Variants in UBE2L6 observed in about 807,000 individuals in gnomAD.
UBE2L6 encodes the protein ubiquitin/ISG15-conjugating enzyme E2 L6.
Under a neutral mutation model 13.6 loss-of-function variants are expected in UBE2L6, and 11 were observed. The ratio of observed to expected loss-of-function variants is 0.81; its 90% confidence interval spans 0.51 to 1.34. The LOEUF (loss-of-function observed/expected upper bound fraction) is 1.34. Ranked by LOEUF, UBE2L6 falls within the 40% of genes most tolerant of loss-of-function variation. UBE2L6 has a pLI of 0.00. For missense variants in UBE2L6, 197 were observed against 199.5 expected, an observed-to-expected ratio of 0.99 and a Z score of 0.07; for synonymous variants, 74 against 83.2, an observed-to-expected ratio of 0.89 and a Z score of 0.60.
rs1456731466 is a variant in UBE2L6 at position 57,567,569 on chromosome 11, T to A, written c.27+16A>T. 25 of 1,606,474 alleles carry A rather than the reference T, an allele frequency of 1.6e-5. No homozygotes were observed. The highest frequency in any genetic ancestry group is 2.0e-5 in the Non-Finnish European group (24 of 1,177,568). On this transcript the variant is annotated intron_variant, in intron 1 of 3. Transcript: ENST00000287156. ...GAGGGGAGCCAAGAGAAAGGGGTCA[T>A]CCTATACGCGGTTACCTTCACCACT...
chr11:57,566,555 A>G (rs1945094053), intron 1 of UBE2L6, among the ~76,000 whole-genome samples: 1 of 149,190 alleles, frequency 6.7e-6, no homozygotes, highest in South Asian at 2.2e-4. Context: ...TTCCAATGCA[A>G]TAAATTCTGG....
chr11:57,560,350 G>T lies in UBE2L6; in HGVS notation c.110C>A (p.Ala37Asp). The T allele has an allele frequency of 6.2e-7, 1 of 1,613,956 alleles. No homozygotes were observed. The highest frequency in any genetic ancestry group is 8.5e-7 in the Non-Finnish European group (1 of 1,179,864). Residue 37 changes from alanine (A) to aspartate (D), a missense_variant, in exon 2 of 4, where the codon GCT becomes GAT. By Grantham distance (126) the Ala-to-Asp change is moderately radical. Coordinates refer to ENST00000287156, the MANE Select transcript of UBE2L6 (RefSeq NM_004223.5). Reference protein sequence around the residue: ...SDDANVLVWHALLLPDQPPYH... With the variant: ...SDDANVLVWHDLLLPDQPPYH... ...ATGGATACTCACGGGTAGGAGGAGA[G>T]CGTGCCACACCAGGACATTGGCATC...
intron 1 of UBE2L6, among the ~76,000 whole-genome samples, chr11:57,563,604 A>G (rs1472372760): frequency 2.0e-5 from 3 of 151,724 alleles, no homozygotes; most frequent in Non-Finnish European, 4.4e-5. Context: ...GTATTTGAAA[A>G]TACAGTCAGA....
At position 57,552,215 on chromosome 11, in the gene UBE2L6, A is replaced by C; in HGVS notation, c.*143T>G. On this transcript the variant is annotated 3_prime_UTR_variant, in exon 4 of 4. Coordinates refer to ENST00000287156, the MANE Select transcript of UBE2L6 (RefSeq NM_004223.5). ...CACTCATAGCTCCCTTCCCTCCACC[A>C]CACACACACACAAACTAATGACTAA... is the stretch of plus-strand genomic sequence containing the variant. 1 of 963,964 alleles carries C rather than the reference A, an allele frequency of 1.0e-6. No homozygotes were observed. Among genetic ancestry groups the C allele is most frequent in the Non-Finnish European group, 1.5e-6 (1 of 665,480 alleles). 59.7% of individuals were successfully genotyped at this position (963,964 alleles called of 1,614,324 possible). A position where few individuals can be genotyped will look rare whatever the true frequency, so the allele number is the denominator to read the frequency against.
chr11:57,556,032 C>G (rs1231573548), intron 2 of UBE2L6, among the ~76,000 whole-genome samples: 1 of 152,212 alleles, frequency 6.6e-6, no homozygotes, highest in Non-Finnish European at 1.5e-5. Context: ...AGAAGACCCT[C>G]TAGACTTTGA....
In UBE2L6 at chr11:57,567,628, T is replaced by C. The variant is rs1945103707; in HGVS notation, c.-17A>G. The C allele has an allele frequency of 6.2e-7, 1 of 1,605,162 alleles. No individual in the cohort carries two copies. Among genetic ancestry groups the C allele is most frequent in the South Asian group, 1.1e-5 (1 of 88,828 alleles). On this transcript the variant is annotated 5_prime_UTR_variant, in exon 1 of 4. Transcript: ENST00000287156. ...CGCCATCATGTCGGGACCGAGTGTG[T>C]GGCACCCGTGGCCTCCAGCAGGACC...
upstream of UBE2L6, chr11:57,567,772 G>T: frequency 2.5e-6 from 2 of 805,238 alleles, no homozygotes; most frequent in Non-Finnish European, 3.6e-6. Context: ...GCTCCGGCGA[G>T]GCCAGGAGGC....
intron 1 of UBE2L6, among the ~76,000 whole-genome samples, chr11:57,563,422 A>C (rs181429196): frequency 1.9e-3 from 292 of 150,546 alleles, no homozygotes; most frequent in South Asian, 4.4e-3. Context: ...CAGAGGTTGC[A>C]GTGAGCCGAG....
intron 1 of UBE2L6, among the ~76,000 whole-genome samples, chr11:57,565,931 C>A (rs929923463): frequency 2.0e-5 from 3 of 150,966 alleles, no homozygotes; most frequent in African/African-American, 7.3e-5. Flanking sequence ...ACCCCCACCC[C>A]CAACATATAA....
Position 57,554,519 on chromosome 11 carries a change from G to GTGGT in UBE2L6, c.224_227dup (p.His76GlnfsTer19), listed in dbSNP as rs1565158526. ...TCTGTCCGTTCTCGTCCACGTTGGG[G>GTGGT]TGGTAGATCTTGGTTGTGAATTTGA... On this transcript the variant is annotated frameshift_variant, in exon 3 of 4. Transcript: ENST00000287156. LOFTEE classifies it high-confidence loss of function. 1.9e-6 allele frequency: 3 copies of GTGGT among 1,614,200 alleles called. No individual in the cohort carries two copies. Among genetic ancestry groups the GTGGT allele is most frequent in the Non-Finnish European group, 2.5e-6 (3 of 1,180,046 alleles).
chr11:57,564,277 C>T (rs1398499141), intron 1 of UBE2L6, among the ~76,000 whole-genome samples: 1 of 152,146 alleles, frequency 6.6e-6, no homozygotes, highest in African/African-American at 2.4e-5. Context: ...GGAAATCTTA[C>T]AGGCCAAGAG....
In UBE2L6 at chr11:57,551,991, T is replaced by G; in HGVS notation, c.*367A>C. The G allele has an allele frequency of 4.2e-6, 1 of 239,950 alleles. No homozygotes were observed. The allele number at this position is 239,950 out of a possible 1,614,324, so 14.9% of individuals were successfully genotyped here. A position where few individuals can be genotyped will look rare whatever the true frequency, so the allele number is the denominator to read the frequency against. On this transcript the variant is annotated 3_prime_UTR_variant, in exon 4 of 4. Coordinates refer to ENST00000287156, the MANE Select transcript of UBE2L6 (RefSeq NM_004223.5). ...CCCCAGGCCCTCAGTGCCTGAGCCC[T>G]AGGGGGATTCGAGTTGGCTGCTGGA...
intron 3 of UBE2L6, among the ~76,000 whole-genome samples, chr11:57,553,758 G>A (rs1166659150): frequency 6.6e-6 from 1 of 152,162 alleles, no homozygotes; most frequent in African/African-American, 2.4e-5. Context: ...CCTGGGAGGT[G>A]GAGGTTGCAG....
chr11:57,563,085 C>A (rs1405553106), intron 1 of UBE2L6, among the ~76,000 whole-genome samples: 1 of 152,130 alleles, frequency 6.6e-6, no homozygotes, highest in Non-Finnish European at 1.5e-5. Context: ...TGAGGAAACT[C>A]AAAGAAATTC....
chr11:57,558,380 GCTA>G (rs1945013288), intron 2 of UBE2L6, among the ~76,000 whole-genome samples: 3 of 152,134 alleles, frequency 2.0e-5, no homozygotes, highest in African/African-American at 7.2e-5. Context: ...TGCCCGGCCT[GCTA>G]CTTTTTAAAA....
intron 2 of UBE2L6, among the ~76,000 whole-genome samples, chr11:57,555,226 G>A (rs957516337): frequency 6.6e-6 from 1 of 152,174 alleles, no homozygotes; most frequent in Non-Finnish European, 1.5e-5. Flanking sequence ...GCCAAAAGGT[G>A]AAAGCAAACC....
intron 1 of UBE2L6, among the ~76,000 whole-genome samples, chr11:57,563,735 C>T (rs926212721): frequency 6.0e-5 from 8 of 133,178 alleles, no homozygotes; most frequent in Non-Finnish European, 1.3e-4. Flanking sequence ...ACTAAAAATA[C>T]AAAAAAAAAA....
chr11:57,567,095 A>G (rs1224016746), intron 1 of UBE2L6: 2 of 456,604 alleles, frequency 4.4e-6, no homozygotes, highest in East Asian at 6.9e-5. Context: ...CTTTGTCCCA[A>G]ATTCTAATCA....
Position 57,552,517 on chromosome 11 carries a change from G to A in UBE2L6, c.311-8C>T. 6.2e-7 allele frequency: 1 copy of A among 1,614,122 alleles called. No individual in the cohort carries two copies. On this transcript the variant is annotated splice_region_variant and splice_polypyrimidine_tract_variant and intron_variant, in intron 3 of 3. Transcript: ENST00000287156. ...CATTGAGGGCCTCCAGGACTGGGGA[G>A]AGACAGGCCAGATCAGGATATCAGG...
Sources: gnomAD v4.1 joint callset for allele counts (sites outside exome capture counted in the v4.1 genomes callset) on GRCh38, gnomAD v4.1.1 for gene constraint, MANE v1.5 for transcripts, NCBI Gene and HGNC (gene_info 2026-07-23, HGNC 2026-07-21) for gene names.